The following ACSL3 variants were observed in gnomAD, a reference collection of about 807,000 sequenced individuals.
The protein encoded by ACSL3 is acyl-CoA synthetase long chain family member 3.
In ACSL3, 34 loss-of-function variants were observed where a neutral mutation model predicts 84.7. That is an observed-to-expected ratio of 0.40 (90% CI 0.31 to 0.53). ACSL3 has a LOEUF of 0.53. Among genes scored for constraint, ACSL3 ranks in the 20% least tolerant of loss-of-function variants. The pLI is 0.48. For synonymous variants in ACSL3, 315 were observed against 299.4 expected (o/e 1.05, Z -0.54); for missense variants, 680 against 873.1 (o/e 0.78, Z 2.79).
chr2:222,865,824 G>GTGTGTA (rs1491267504), intron 1 of ACSL3, among the ~76,000 whole-genome samples: 2 of 146,482 alleles, frequency 1.4e-5, no homozygotes, highest in Non-Finnish European at 3.0e-5. Context: ...GTGTGTGTGT[G>GTGTGTA]TACACAGATG....
At chr2:222,885,086 C>T (rs1278010217) in intron 1 of ACSL3, among the ~76,000 whole-genome samples, 1 of 152,076 alleles carries the variant, frequency 6.6e-6, no homozygotes, top group Non-Finnish European at 1.5e-5. Context: ...AGTGTCGGGT[C>T]TGGAGCTGAG....
intron 1 of ACSL3, among the ~76,000 whole-genome samples, chr2:222,864,713 G>C (rs1695095859): frequency 1.3e-5 from 2 of 152,156 alleles, no homozygotes; most frequent in South Asian, 4.1e-4. Context: ...CTGATGGGAA[G>C]GCTCAGTGGA....
At chr2:222,907,382 C>T (rs887111618) in intron 3 of ACSL3, among the ~76,000 whole-genome samples, 1 of 152,156 alleles carries the variant, frequency 6.6e-6, no homozygotes, top group Non-Finnish European at 1.5e-5. Context: ...ATGCTGGCTG[C>T]TTGCGTCACT....
intron 4 of ACSL3, among the ~76,000 whole-genome samples, chr2:222,915,229 T>C (rs1434566622): frequency 6.6e-6 from 1 of 151,460 alleles, no homozygotes; most frequent in Non-Finnish European, 1.5e-5. Context: ...TTCATGGGGG[T>C]AAAGAGCAAG....
intron 14 of ACSL3, 24 bp from the exon 15 acceptor site, chr2:222,933,142 T>C (rs773703984): frequency 6.9e-7 from 1 of 1,453,270 alleles, no homozygotes; most frequent in Admixed American, 1.7e-5. Context: ...TGTTTTCCCC[T>C]CTCCACCTTT....
intron 1 of ACSL3, among the ~76,000 whole-genome samples, chr2:222,878,571 A>T (rs185282730): frequency 6.6e-6 from 1 of 152,068 alleles, no homozygotes; most frequent in African/African-American, 2.4e-5. Flanking sequence ...CCTACAATTG[A>T]ATATACTGTT....
chr2:222,880,687 A>G (rs933465834), intron 1 of ACSL3, among the ~76,000 whole-genome samples: 3 of 151,988 alleles, frequency 2.0e-5, no homozygotes, highest in African/African-American at 4.8e-5. Flanking sequence ...AAAATTAGCC[A>G]GGCGTGGTGG....
chr2:222,923,212 G>A, intron 10 of ACSL3, 63 bp downstream of exon 10: 1 of 1,310,264 alleles, frequency 7.6e-7, no homozygotes, highest in East Asian at 2.3e-5. Flanking sequence ...CAAAGCATTA[G>A]TGCTAGTGAA....
At chr2:222,924,645 A>G in intron 11 of ACSL3, 50 bp downstream of exon 11, 1 of 1,502,758 alleles carries the variant, frequency 6.7e-7, no homozygotes, top group Non-Finnish European at 9.0e-7. Context: ...TAATTTAATC[A>G]TTTAGTTCAC....
At chr2:222,865,052 C>T (rs1196551038) in intron 1 of ACSL3, among the ~76,000 whole-genome samples, 1 of 152,138 alleles carries the variant, frequency 6.6e-6, no homozygotes, top group Non-Finnish European at 1.5e-5. Context: ...ATATTTTCAT[C>T]TGACTTTTGA....
intron 2 of ACSL3, among the ~76,000 whole-genome samples, chr2:222,890,943 G>A (rs1345089250): frequency 2.0e-5 from 3 of 152,104 alleles, no homozygotes; most frequent in African/African-American, 4.8e-5. Flanking sequence ...GTACCTGGCC[G>A]AAAAGAGGTA....
At chr2:222,921,463 A>C (rs763348450) in intron 8 of ACSL3, 33 bp downstream of exon 8, 3 of 1,545,212 alleles carry the variant, frequency 1.9e-6, no homozygotes, top group Middle Eastern at 1.7e-4. Flanking sequence ...TGAGTAGTTA[A>C]GTATTTATGT....
At chr2:222,899,838 C>CCT (rs1696091284) in intron 2 of ACSL3, among the ~76,000 whole-genome samples, 2 of 152,096 alleles carry the variant, frequency 1.3e-5, no homozygotes, top group African/African-American at 4.8e-5. Context: ...ATTAGGAATG[C>CCT]CTTTGTTCTC....
In ACSL3 at chr2:222,921,421, C is replaced by A; in HGVS notation, c.947C>A (p.Pro316Gln). The change falls in exon 8 of 17, where the codon CCA becomes CAA. Residue 316 changes from proline (P) to glutamine (Q), a missense_variant. Pro to Gln is a moderately conservative substitution (Grantham distance 76). Around this residue, in one of 2 missense-constraint regions of ACSL3, gnomAD observed 347 missense variants for 525.7 expected, o/e 0.66. Transcript: ENST00000357430. ...AGITGMAERI[P>Q]ELGEEDVYIG... Reference sequence around the variant, plus strand: ...ATAACTGGGATGGCAGAAAGGATTCCAGAACTAGGGTATGTCATAGTAAAG... The same window carrying A: ...ATAACTGGGATGGCAGAAAGGATTCAAGAACTAGGGTATGTCATAGTAAAG... 1 of 1,586,220 alleles carries A rather than the reference C, an allele frequency of 6.3e-7. No homozygotes were observed. The highest frequency in any genetic ancestry group is 8.6e-7 in the Non-Finnish European group (1 of 1,157,730).
intron 1 of ACSL3, among the ~76,000 whole-genome samples, chr2:222,866,839 T>A (rs1695160729): frequency 7.9e-6 from 1 of 125,964 alleles, no homozygotes; most frequent in Non-Finnish European, 1.7e-5. Flanking sequence ...TTTTTCTTTT[T>A]CTTTTTTTTT....
intron 1 of ACSL3, among the ~76,000 whole-genome samples, chr2:222,874,967 G>A (rs1695408034): frequency 6.6e-6 from 1 of 151,878 alleles, no homozygotes; most frequent in South Asian, 2.1e-4. Flanking sequence ...AGATATAAAA[G>A]TAAAAATAGA....
chr2:222,867,531 T>C (rs1435870506), intron 1 of ACSL3, among the ~76,000 whole-genome samples: 5 of 152,216 alleles, frequency 3.3e-5, no homozygotes, highest in African/African-American at 1.2e-4. Flanking sequence ...TTGTTCAGCA[T>C]ACTGTTTATT....
intron 7 of ACSL3, among the ~76,000 whole-genome samples, chr2:222,920,436 T>A (rs1696701674): frequency 6.6e-6 from 1 of 152,228 alleles, no homozygotes; most frequent in Non-Finnish European, 1.5e-5. Flanking sequence ...GTCCTTAGGC[T>A]GGTACTCTTC....
intron 1 of ACSL3, among the ~76,000 whole-genome samples, chr2:222,862,375 G>C (rs1355504558): frequency 2.6e-5 from 4 of 152,188 alleles, no homozygotes; most frequent in African/African-American, 9.7e-5. Flanking sequence ...ATATTTTGCT[G>C]CCTCTCCTTG....
Sources: gnomAD v4.1 joint callset for allele counts (sites outside exome capture counted in the v4.1 genomes callset) on GRCh38, gnomAD v4.1.1 for gene constraint, gnomAD v4.1.1 regional missense constraint, MANE v1.5 for transcripts, NCBI Gene and HGNC (gene_info 2026-07-23, HGNC 2026-07-21) for gene names.